RGL1: variants seen among roughly 807,000 people sequenced by gnomAD.
RGL1 encodes ral guanine nucleotide dissociation stimulator like 1.
RGL1 carries 24 observed loss-of-function variants against 95.2 expected under a neutral mutation model. The observed-to-expected ratio is 0.25, with a 90% CI of 0.18 to 0.35. The LOEUF is 0.35. RGL1 is among the 10% of genes least tolerant of loss of function. The pLI, the probability that RGL1 is intolerant of heterozygous loss-of-function variation, is 1.00. For synonymous variants in RGL1, 329 were observed against 344.9 expected (o/e 0.95, Z 0.51); for missense variants, 715 against 936.3 (o/e 0.76, Z 3.08).
chr1:183,692,571 T>G (rs1654009257), intron 1 of RGL1, among the ~76,000 whole-genome samples: 1 of 152,266 alleles, frequency 6.6e-6, no homozygotes, highest in Non-Finnish European at 1.5e-5. Context: ...GTTCAGGTAG[T>G]TCACCTTTTA....
intron 1 of RGL1, among the ~76,000 whole-genome samples, chr1:183,671,715 C>T (rs969777747): frequency 6.6e-6 from 1 of 152,074 alleles, no homozygotes; most frequent in Non-Finnish European, 1.5e-5. Context: ...CAATTTCTTC[C>T]AAATGGAGCT....
intron 1 of RGL1, among the ~76,000 whole-genome samples, chr1:183,678,435 A>G (rs1652978929): frequency 6.6e-6 from 1 of 152,198 alleles, no homozygotes; most frequent in Non-Finnish European, 1.5e-5. Flanking sequence ...TAAAAATATT[A>G]CTTCTGTATT....
chr1:183,885,369 T>A (rs1277372805), intron 7 of RGL1, among the ~76,000 whole-genome samples: 1 of 152,194 alleles, frequency 6.6e-6, no homozygotes. Context: ...AGGCATTACA[T>A]CTTCTGCAGT....
intron 1 of RGL1, among the ~76,000 whole-genome samples, chr1:183,691,326 A>G (rs1653934165): frequency 6.6e-6 from 1 of 152,198 alleles, no homozygotes. Flanking sequence ...CTAATATATC[A>G]GAGATAGGAG....
chr1:183,893,888 A>G (rs927795278), intron 9 of RGL1, among the ~76,000 whole-genome samples: 4 of 152,170 alleles, frequency 2.6e-5, no homozygotes, highest in Non-Finnish European at 1.5e-5. Context: ...AAGTGTTCAG[A>G]AGCTATTGTT....
At chr1:183,890,061 C>A (rs1667328620) in intron 8 of RGL1, among the ~76,000 whole-genome samples, 1 of 152,086 alleles carries the variant, frequency 6.6e-6, no homozygotes, top group African/African-American at 2.4e-5. Flanking sequence ...CAGAAGCATG[C>A]AGTGTCCCCA....
At chr1:183,658,339 C>T (rs1651339612) in intron 1 of RGL1, among the ~76,000 whole-genome samples, 2 of 152,236 alleles carry the variant, frequency 1.3e-5, no homozygotes, top group African/African-American at 4.8e-5. Context: ...CCTGGAAAAT[C>T]AGGTCACTCC....
intron 1 of RGL1, among the ~76,000 whole-genome samples, chr1:183,705,785 G>A (rs2102156275): frequency 6.6e-6 from 1 of 152,336 alleles, no homozygotes; most frequent in South Asian, 2.1e-4. Context: ...TAAGCAATAA[G>A]TTCCATCTGG....
intron 3 of RGL1, among the ~76,000 whole-genome samples, chr1:183,862,538 C>T (rs1665574379): frequency 6.6e-6 from 1 of 152,178 alleles, no homozygotes; most frequent in Non-Finnish European, 1.5e-5. Flanking sequence ...TTTAAGATCT[C>T]AACTTTAACA....
At chr1:183,914,206 A>G (rs555533036) in intron 15 of RGL1, among the ~76,000 whole-genome samples, 203 of 152,338 alleles carry the variant, frequency 1.3e-3, no homozygotes, top group African/African-American at 4.4e-3. Context: ...ACCTTGTGGC[A>G]TAGTGGAAAT....
At chr1:183,708,034 G>T (rs1655026157) in intron 1 of RGL1, among the ~76,000 whole-genome samples, 1 of 152,188 alleles carries the variant, frequency 6.6e-6, no homozygotes, top group African/African-American at 2.4e-5. Flanking sequence ...GGCAATAATT[G>T]CTTAAATTAG....
intron 2 of RGL1, among the ~76,000 whole-genome samples, chr1:183,828,859 A>T (rs1456187629): frequency 6.6e-6 from 1 of 152,222 alleles, no homozygotes; most frequent in Non-Finnish European, 1.5e-5. Context: ...GTATCAGTCA[A>T]TGACAATGGA....
chr1:183,865,718 C>T (rs61457237), intron 3 of RGL1, among the ~76,000 whole-genome samples: 1 of 152,044 alleles, frequency 6.6e-6, no homozygotes, highest in Non-Finnish European at 1.5e-5. Context: ...TAGGAACACT[C>T]TAATCTAAAA....
intron 2 of RGL1, among the ~76,000 whole-genome samples, chr1:183,831,571 C>A (rs1434411816): frequency 1.3e-5 from 2 of 152,062 alleles, no homozygotes; most frequent in Non-Finnish European, 2.9e-5. Context: ...TTTAGCAGTC[C>A]AGCTGAGAGG....
chr1:183,739,935 TA>T (rs1321833681), intron 1 of RGL1, among the ~76,000 whole-genome samples: 1 of 152,232 alleles, frequency 6.6e-6, no homozygotes, highest in Non-Finnish European at 1.5e-5. Context: ...TGGAACATGT[TA>T]CGCTTACGGA....
intron 13 of RGL1, among the ~76,000 whole-genome samples, chr1:183,905,429 TACA>T: frequency 6.6e-6 from 1 of 152,238 alleles, no homozygotes; most frequent in Non-Finnish European, 1.5e-5. Context: ...GATGGGTAAC[TACA>T]TTCCTACAAA....
intron 2 of RGL1, among the ~76,000 whole-genome samples, chr1:183,847,354 C>A (rs1048732924): frequency 4.6e-5 from 7 of 152,112 alleles, no homozygotes; most frequent in Admixed American, 2.0e-4. Context: ...ACTTGGGAGG[C>A]TGAGTCAGGA....
chr1:183,871,874 T>C (rs936665769), intron 4 of RGL1, among the ~76,000 whole-genome samples: 3 of 152,206 alleles, frequency 2.0e-5, no homozygotes, highest in Non-Finnish European at 4.4e-5. Context: ...TCTAAAGTTA[T>C]CTGGCTAAGA....
At chr1:183,829,832 A>C (rs188652201) in intron 2 of RGL1, among the ~76,000 whole-genome samples, 3 of 138,446 alleles carry the variant, frequency 2.2e-5, no homozygotes, top group African/African-American at 8.2e-5. Flanking sequence ...TATCTGGTGC[A>C]CACCTACTGA....
Sources: allele counts gnomAD v4.1 joint callset (sites outside exome capture counted in the v4.1 genomes callset), GRCh38; gene constraint gnomAD v4.1.1; transcripts MANE v1.5; gene names NCBI Gene and HGNC (gene_info 2026-07-23, HGNC 2026-07-21).